The following EDARADD variants were observed in gnomAD, a reference collection of about 807,000 sequenced individuals.
EDARADD encodes the protein ectodysplasin-A receptor-associated adapter protein.
In EDARADD, 20 loss-of-function variants were observed where a neutral mutation model predicts 25.6. The observed-to-expected ratio is 0.78, with a 90% confidence interval of 0.55 to 1.14. The LOEUF (loss-of-function observed/expected upper bound fraction) is 1.14, where lower values mean the gene tolerates loss of function less well. Among genes scored for constraint, EDARADD ranks in the 50% most tolerant of loss-of-function variants. The probability of loss-of-function intolerance (pLI) is 0.00; values close to 1 mark genes in which losing one functional copy is unlikely to be tolerated. For missense variants in EDARADD, 225 were observed against 270.1 expected (o/e 0.83, Z 1.17); for synonymous variants, 86 against 94.4 (o/e 0.91, Z 0.52).
At chr1:236,405,782 T>C (rs1667705363) in intron 1 of EDARADD, among the ~76,000 whole-genome samples, 2 of 39,030 alleles carry the variant, frequency 5.1e-5, no homozygotes, top group African/African-American at 7.7e-5. Context: ...TCTTTCTTTC[T>C]TTCTTTCTTT....
At chr1:236,438,318 T>C (rs1406382094) in intron 4 of EDARADD, among the ~76,000 whole-genome samples, 1 of 152,200 alleles carries the variant, frequency 6.6e-6, no homozygotes, top group African/African-American at 2.4e-5. Flanking sequence ...ACAACAATGT[T>C]TGAAAACAAA....
intron 4 of EDARADD, among the ~76,000 whole-genome samples, chr1:236,446,775 C>A (rs907350755): frequency 6.6e-6 from 1 of 152,070 alleles, no homozygotes; most frequent in African/African-American, 2.4e-5. Flanking sequence ...AGGTTGTGGT[C>A]AAAAAGTTGA....
intron 4 of EDARADD, among the ~76,000 whole-genome samples, chr1:236,440,071 A>T (rs1422294341): frequency 6.6e-6 from 1 of 151,938 alleles, no homozygotes; most frequent in African/African-American, 2.4e-5. Context: ...GTGTGTCTAG[A>T]CTAATTTTTT....
intron 3 of EDARADD, among the ~76,000 whole-genome samples, chr1:236,417,356 C>T (rs1446543679): frequency 6.6e-6 from 1 of 152,166 alleles, no homozygotes; most frequent in African/African-American, 2.4e-5. Flanking sequence ...CTAACATATT[C>T]CTACTTCATT....
chr1:236,475,630 G>A (rs529880531), intron 5 of EDARADD, among the ~76,000 whole-genome samples: 6 of 151,896 alleles, frequency 4.0e-5, no homozygotes, highest in Non-Finnish European at 7.4e-5. Context: ...TGGCAGTAGT[G>A]GCAGGCGCCT....
intron 3 of EDARADD, among the ~76,000 whole-genome samples, chr1:236,423,569 T>C (rs1657834024): frequency 6.6e-6 from 1 of 152,172 alleles, no homozygotes; most frequent in African/African-American, 2.4e-5. Flanking sequence ...CTGCAAAGCC[T>C]GTGTGTGATG....
At chr1:236,460,447 A>G (rs1363802333) in intron 4 of EDARADD, among the ~76,000 whole-genome samples, 1 of 152,076 alleles carries the variant, frequency 6.6e-6, no homozygotes, top group Non-Finnish European at 1.5e-5. Flanking sequence ...TGGCCTCCCA[A>G]ACTGTTGAGA....
At position 236,403,508 on chromosome 1, in the gene EDARADD, C is replaced by T. The variant is rs965779334; in HGVS notation, c.62-5708C>T. Among the ~76,000 whole-genome samples, 8 of 151,238 alleles carry T rather than the reference C, an allele frequency of 5.3e-5. No homozygotes were observed. The East Asian group carries it at 1.2e-3, about 22-fold the overall frequency. The stretch of plus-strand genomic sequence containing the variant: ...TTCACCACGTTAGCCAGGATGGTCT[C>T]GATCTCCTGACCTCGTGATCCGCCT... On this transcript the variant is annotated intron_variant, in intron 1 of 5. Transcript: ENST00000334232.
chr1:236,407,815 T>C (rs1316293765), intron 1 of EDARADD, among the ~76,000 whole-genome samples: 2 of 152,204 alleles, frequency 1.3e-5, no homozygotes, highest in Non-Finnish European at 2.9e-5. Flanking sequence ...ACTAATTAGG[T>C]CCTGACTGAG....
chr1:236,450,529 C>A (rs948306395), intron 4 of EDARADD, among the ~76,000 whole-genome samples: 7 of 150,742 alleles, frequency 4.6e-5, no homozygotes, highest in African/African-American at 1.7e-4. Flanking sequence ...GTTCTAAGGA[C>A]TTCCCTTCTC....
intron 2 of EDARADD, among the ~76,000 whole-genome samples, chr1:236,349,799 A>T (rs916625513): frequency 6.6e-6 from 1 of 151,286 alleles, no homozygotes; most frequent in Non-Finnish European, 1.5e-5. Context: ...GGAAGGAAGG[A>T]AAAAAAAAGG....
In EDARADD at chr1:236,472,322, G is replaced by A. The variant is rs141644609; in HGVS notation, c.265+4046G>A. On this transcript the variant is annotated intron_variant, in intron 5 of 5. Transcript: ENST00000334232. The stretch of plus-strand genomic sequence containing the variant: ...TCTGGAGATGTCTTCAAGGCAGGCG[G>A]AGGTTTTCAGTCCTGGCTGCACATT... 4.0e-4 allele frequency among the ~76,000 whole-genome samples: 61 copies of A among 152,336 alleles called. No homozygotes were observed. The Middle Eastern group carries it at 0.01, about 25-fold the overall frequency.
intron 5 of EDARADD, among the ~76,000 whole-genome samples, chr1:236,468,697 G>A (rs1369211287): frequency 6.6e-6 from 1 of 152,152 alleles, no homozygotes; most frequent in Non-Finnish European, 1.5e-5. Context: ...GCAGAATAGA[G>A]CAACTTTCTA....
chr1:236,366,975 G>A (rs1046682100), intron 3 of EDARADD, among the ~76,000 whole-genome samples: 5 of 151,594 alleles, frequency 3.3e-5, no homozygotes, highest in African/African-American at 7.3e-5. Flanking sequence ...TACTCAGGAC[G>A]CTGATGCAGG....
intron 5 of EDARADD, among the ~76,000 whole-genome samples, chr1:236,480,276 A>T (rs1264952644): frequency 6.6e-6 from 1 of 151,898 alleles, no homozygotes; most frequent in African/African-American, 2.4e-5. Flanking sequence ...CTTAAATAAT[A>T]TTCCATCAAG....
chr1:236,417,820 CG>C (rs1246080305), intron 3 of EDARADD, among the ~76,000 whole-genome samples: 4 of 152,010 alleles, frequency 2.6e-5, no homozygotes, highest in Non-Finnish European at 5.9e-5. Flanking sequence ...CTTAAATACA[CG>C]AATCTAACAA....
chr1:236,405,874 C>CTTCCTTCCTTCCTTCCTT (rs56931070), intron 1 of EDARADD, among the ~76,000 whole-genome samples: 4 of 30,874 alleles, frequency 1.3e-4, no homozygotes, highest in African/African-American at 4.6e-4. Flanking sequence ...TCCTTCCTTC[C>CTTCCTTCCTTCCTTCCTT]TTCTTTCTTT....
At chr1:236,372,513 A>G (rs1667184142) in intron 3 of EDARADD, among the ~76,000 whole-genome samples, 1 of 152,166 alleles carries the variant, frequency 6.6e-6, no homozygotes, top group South Asian at 2.1e-4. Flanking sequence ...TCACAGAGAT[A>G]TTGGTTTGTA....
At chr1:236,403,546 C>G (rs1243354829) in intron 1 of EDARADD, among the ~76,000 whole-genome samples, 5 of 152,270 alleles carry the variant, frequency 3.3e-5, no homozygotes, top group African/African-American at 1.2e-4. Context: ...CTCGGCCTCC[C>G]AAAGTGCTGG....
Sources: allele counts gnomAD v4.1 joint callset (sites outside exome capture counted in the v4.1 genomes callset), GRCh38; gene constraint gnomAD v4.1.1; transcripts MANE v1.5; gene names NCBI Gene and HGNC (gene_info 2026-07-23, HGNC 2026-07-21).